Variants in PDZD2 observed in about 807,000 individuals in gnomAD.
The protein encoded by PDZD2 is PDZ domain-containing protein 2.
Under a neutral mutation model 220.7 loss-of-function variants are expected in PDZD2, and 90 were observed. That is an observed-to-expected ratio of 0.41 (90% CI 0.34 to 0.49). PDZD2 has a LOEUF of 0.49. PDZD2 is among the 20% of genes least tolerant of loss of function. PDZD2 has a pLI of 0.28. For missense variants in PDZD2, 3,174 were observed against 3,608.5 expected, an observed-to-expected ratio of 0.88 and a Z score of 3.08; for synonymous variants, 1,375 against 1,450.5, an observed-to-expected ratio of 0.95 and a Z score of 1.18.
At chr5:31,876,203 A>AT (rs1433461786) in intron 2 of PDZD2, among the ~76,000 whole-genome samples, 2 of 151,864 alleles carry the variant, frequency 1.3e-5, no homozygotes, top group African/African-American at 4.8e-5. Context: ...TTTGGTTACT[A>AT]TACCAGCCAG....
At chr5:31,961,369 A>C (rs75055641) in intron 2 of PDZD2, among the ~76,000 whole-genome samples, 1 of 19,880 alleles carries the variant, frequency 5.0e-5, no homozygotes, top group African/African-American at 3.2e-4. Flanking sequence ...CCGTCTCTAC[A>C]AAAAAAAAAA....
chr5:31,689,354 T>TA (rs1554063278), intron 1 of PDZD2, among the ~76,000 whole-genome samples: 1,993 of 26,850 alleles, frequency 0.074, 48 homozygotes, highest in Admixed American at 0.081. Context: ...TATATATATA[T>TA]TTTTTTTTTT....
At chr5:31,663,033 T>C (rs1477573081) in intron 1 of PDZD2, among the ~76,000 whole-genome samples, 1 of 152,182 alleles carries the variant, frequency 6.6e-6, no homozygotes, top group Non-Finnish European at 1.5e-5. Flanking sequence ...GCACCACCTC[T>C]CACATGAAAA....
chr5:32,063,446 T>G (rs987143659), intron 14 of PDZD2, among the ~76,000 whole-genome samples: 1 of 152,166 alleles, frequency 6.6e-6, no homozygotes, highest in Non-Finnish European at 1.5e-5. Flanking sequence ...CACCAGCCCA[T>G]GTGAACCTGG....
intron 6 of PDZD2, chr5:32,010,746 A>G (rs1753231490): frequency 4.3e-6 from 2 of 466,004 alleles, no homozygotes; most frequent in East Asian, 5.8e-5. Context: ...CTGTAATGCC[A>G]GCACTTTTGG....
At chr5:32,027,034 C>A (rs1479536341) in intron 6 of PDZD2, among the ~76,000 whole-genome samples, 8 of 152,180 alleles carry the variant, frequency 5.3e-5, no homozygotes, top group Non-Finnish European at 1.2e-4. Flanking sequence ...TCCTGAGTAA[C>A]TGGGATTACA....
At chr5:31,929,718 G>A (rs954868114) in intron 2 of PDZD2, among the ~76,000 whole-genome samples, 1 of 149,610 alleles carries the variant, frequency 6.7e-6, no homozygotes, top group African/African-American at 2.5e-5. Flanking sequence ...CGGGTGTGGT[G>A]CTGGACATGT....
intron 1 of PDZD2, among the ~76,000 whole-genome samples, chr5:31,689,349 A>ATTTTTTTT (rs1215483289): frequency 3.6e-5 from 1 of 27,830 alleles, no homozygotes; most frequent in African/African-American, 2.5e-4. Context: ...ATATATATAT[A>ATTTTTTTT]TATATTTTTT....
At chr5:31,717,184 C>G (rs253928) in intron 1 of PDZD2, among the ~76,000 whole-genome samples, 124,727 of 152,136 alleles carry the variant, frequency 0.82, 51,398 homozygotes, top group East Asian at 0.94. Context: ...ATTGAGTGCC[C>G]GTTGTGTCTG....
chr5:32,062,555 G>A (rs1739790474), intron 14 of PDZD2, among the ~76,000 whole-genome samples: 1 of 151,966 alleles, frequency 6.6e-6, no homozygotes, highest in Non-Finnish European at 1.5e-5. Context: ...CAATACACCT[G>A]GCTAATTTTT....
chr5:32,010,867 A>G (rs1309524306), intron 6 of PDZD2, among the ~76,000 whole-genome samples: 2 of 151,612 alleles, frequency 1.3e-5, no homozygotes, highest in Non-Finnish European at 2.9e-5. Flanking sequence ...ATGGTGGTGC[A>G]TGCCTGTAAT....
chr5:31,875,436 A>T (rs1225571634), intron 2 of PDZD2, among the ~76,000 whole-genome samples: 1 of 151,830 alleles, frequency 6.6e-6, no homozygotes, highest in African/African-American at 2.4e-5. Flanking sequence ...ATACAAAAAA[A>T]TTAGCTGGGC....
chr5:32,038,718 C>T (rs983281279), intron 7 of PDZD2, among the ~76,000 whole-genome samples: 3 of 152,118 alleles, frequency 2.0e-5, no homozygotes, highest in South Asian at 4.2e-4. Context: ...GAAAGTCAGC[C>T]GTGGCTCCCC....
chr5:31,993,358 C>T (rs1030021687), intron 3 of PDZD2, among the ~76,000 whole-genome samples: 10 of 152,132 alleles, frequency 6.6e-5, no homozygotes, highest in South Asian at 2.1e-4. Context: ...CCTGGGATAG[C>T]GGAGCCCCAC....
intron 2 of PDZD2, among the ~76,000 whole-genome samples, chr5:31,877,282 C>T (rs1397130974): frequency 6.6e-6 from 1 of 152,032 alleles, no homozygotes; most frequent in Non-Finnish European, 1.5e-5. Flanking sequence ...GCGGTGCAAT[C>T]TCGGCTTACT....
Position 32,009,067 on chromosome 5 carries a change from G to A in PDZD2, c.1255-1263G>A, listed in dbSNP as rs537497769. On this transcript the variant is annotated intron_variant, in intron 5 of 24. Transcript: ENST00000438447. ...AGCTCTAAAAGATACTGATCTAGCC[G>A]GGCTCGGTGGCTCATGCCTGTAATC... 1.3e-4 allele frequency among the ~76,000 whole-genome samples: 20 copies of A among 152,194 alleles called. No homozygotes were observed. In the South Asian group the frequency reaches 2.3e-3, roughly 17 times the overall value.
intron 2 of PDZD2, among the ~76,000 whole-genome samples, chr5:31,944,977 G>A (rs1746509822): frequency 1.3e-5 from 2 of 152,250 alleles, no homozygotes; most frequent in South Asian, 2.1e-4. Context: ...TCTGCGCTCA[G>A]GAGGATTGTG....
intron 2 of PDZD2, among the ~76,000 whole-genome samples, chr5:31,804,832 CA>C (rs1487242674): frequency 6.6e-6 from 1 of 152,208 alleles, no homozygotes; most frequent in African/African-American, 2.4e-5. Flanking sequence ...TTATGAAGAA[CA>C]AACTATAAGG....
At chr5:31,833,495 AG>A (rs1756744025) in intron 2 of PDZD2, among the ~76,000 whole-genome samples, 1 of 137,578 alleles carries the variant, frequency 7.3e-6, no homozygotes, top group Non-Finnish European at 1.6e-5. Flanking sequence ...AAAAAAAAAA[AG>A]AATGGCCTTG....
Sources: allele counts gnomAD v4.1 joint callset (sites outside exome capture counted in the v4.1 genomes callset), GRCh38; gene constraint gnomAD v4.1.1; transcripts MANE v1.5; gene names NCBI Gene and HGNC (gene_info 2026-07-23, HGNC 2026-07-21).